The following HOXC4 variants were observed in gnomAD, a reference collection of about 807,000 sequenced individuals.
The protein encoded by HOXC4 is homeobox protein Hox-C4.
HOXC4 carries 15 observed loss-of-function variants against 25.5 expected under a neutral mutation model. The ratio of observed to expected loss-of-function variants is 0.59; its 90% CI spans 0.39 to 0.91. HOXC4 has a LOEUF of 0.91. Ranked by LOEUF, HOXC4 falls within the 40% of genes least tolerant of loss-of-function variation. The pLI is 0.00. For missense variants in HOXC4, 342 were observed against 352.4 expected, an observed-to-expected ratio of 0.97 and a Z score of 0.24; for synonymous variants, 165 against 148.0, an observed-to-expected ratio of 1.11 and a Z score of -0.83.
chr12:54,040,713 G>A (rs1242938227), intron 1 of HOXC4, among the ~76,000 whole-genome samples: 1 of 152,188 alleles, frequency 6.6e-6, no homozygotes, highest in Non-Finnish European at 1.5e-5. Context: ...TTCAAATTCT[G>A]GCTGTGATTA....
intron 1 of HOXC4, among the ~76,000 whole-genome samples, chr12:54,044,706 G>C (rs1049989668): frequency 6.9e-6 from 1 of 145,132 alleles, no homozygotes; most frequent in African/African-American, 2.5e-5. Context: ...TGGGTGCAGG[G>C]GTGTGTGAGT....
At chr12:54,050,836 C>G (rs575914791), upstream of HOXC4, among the ~76,000 whole-genome samples, 1 of 152,226 alleles carries the variant, frequency 6.6e-6, no homozygotes, top group East Asian at 1.9e-4. Context: ...AATGAAAACT[C>G]TACATATTTA....
rs551146530 is a variant in HOXC4, at chr12:54,045,328, C to A, written c.-123-7832C>A. Reference sequence around the variant, plus strand: ...GATCCATAGTGAACATAACAGTCCTCGGTCAAATTCCTGTGTGCACTTTAC... The same window carrying A: ...GATCCATAGTGAACATAACAGTCCTAGGTCAAATTCCTGTGTGCACTTTAC... On this transcript the variant is annotated intron_variant, in intron 1 of 3. Coordinates refer to the HOXC4 transcript ENST00000303406. Among the ~76,000 whole-genome samples the A allele has an allele frequency of 2.0e-5, 3 of 152,338 alleles. No homozygotes were observed. In the East Asian group the frequency reaches 5.8e-4, roughly 29 times the overall value.
chr12:54,053,722 CCACCACCA>C (rs1937900689), upstream of HOXC4, among the ~76,000 whole-genome samples: 1 of 151,870 alleles, frequency 6.6e-6, no homozygotes, highest in Admixed American at 6.5e-5. Flanking sequence ...CCCAGCACCA[CCACCACCA>C]CACACACAAA....
At chr12:54,043,532 C>T (rs922702384) in intron 1 of HOXC4, among the ~76,000 whole-genome samples, 3 of 152,184 alleles carry the variant, frequency 2.0e-5, no homozygotes, top group Non-Finnish European at 2.9e-5. Context: ...CCCACTCCTC[C>T]CTCCCACTCC....
intron 1 of HOXC4, among the ~76,000 whole-genome samples, chr12:54,022,805 C>T (rs937622095): frequency 2.0e-5 from 3 of 152,020 alleles, no homozygotes; most frequent in Non-Finnish European, 2.9e-5. Context: ...GTCATAATAC[C>T]GAGTTCTTGA....
chr12:54,026,868 C>T (rs954725224), intron 1 of HOXC4, among the ~76,000 whole-genome samples: 2 of 152,066 alleles, frequency 1.3e-5, no homozygotes, highest in African/African-American at 2.4e-5. Flanking sequence ...TTGATTACTC[C>T]GCTTTGTTAC....
At chr12:54,051,760 G>T (rs1469350524), upstream of HOXC4, among the ~76,000 whole-genome samples, 1 of 152,198 alleles carries the variant, frequency 6.6e-6, no homozygotes, top group Non-Finnish European at 1.5e-5. Context: ...GGGGCTGGGG[G>T]CCTAAGCATT....
chr12:54,024,767 C>A (rs1159658831), intron 1 of HOXC4, among the ~76,000 whole-genome samples: 1 of 150,852 alleles, frequency 6.6e-6, no homozygotes, highest in Non-Finnish European at 1.5e-5. Flanking sequence ...CTAGGGAAAT[C>A]CCCAAGTGCC....
chr12:54,026,519 G>C (rs1940705172), intron 1 of HOXC4, among the ~76,000 whole-genome samples: 1 of 152,150 alleles, frequency 6.6e-6, no homozygotes, highest in Non-Finnish European at 1.5e-5. Context: ...TTTCCTTGGG[G>C]AGAAGAAAGT....
At chr12:54,027,648 T>C (rs1050813708) in intron 1 of HOXC4, among the ~76,000 whole-genome samples, 1 of 151,820 alleles carries the variant, frequency 6.6e-6, no homozygotes, top group Non-Finnish European at 1.5e-5. Context: ...GCATTTTTTA[T>C]ACATTTTCCC....
At chr12:54,031,383 C>T (rs1940981135) in intron 1 of HOXC4, among the ~76,000 whole-genome samples, 1 of 152,210 alleles carries the variant, frequency 6.6e-6, no homozygotes, top group African/African-American at 2.4e-5. Flanking sequence ...GATTCAAGGA[C>T]ATCTCGAGAG....
intron 1 of HOXC4, chr12:54,033,654 A>T: frequency 8.0e-7 from 1 of 1,249,228 alleles, no homozygotes; most frequent in African/African-American, 1.5e-5. Context: ...AAAGAAAAAA[A>T]ACCTGCGGCC....
At chr12:54,036,675 GCTCT>G (rs34092231) in intron 1 of HOXC4, among the ~76,000 whole-genome samples, 3 of 150,386 alleles carry the variant, frequency 2.0e-5, no homozygotes, top group Non-Finnish European at 3.0e-5. Flanking sequence ...CCAGACCAGT[GCTCT>G]CTCTCTCTCT....
At chr12:54,033,550 G>T in intron 1 of HOXC4, 1 of 1,596,134 alleles carries the variant, frequency 6.3e-7, no homozygotes, top group Non-Finnish European at 8.5e-7. Flanking sequence ...ATTTACCCGT[G>T]GATGACCAAA....
intron 1 of HOXC4, chr12:54,033,397 C>G: frequency 6.2e-7 from 1 of 1,612,114 alleles, no homozygotes; most frequent in South Asian, 1.1e-5. Flanking sequence ...GACGAAGCGG[C>G]TCCTCTGAAC....
At chr12:54,033,325 G>A (rs745582495) in intron 1 of HOXC4, 2 of 1,613,626 alleles carry the variant, frequency 1.2e-6, no homozygotes, top group Non-Finnish European at 8.5e-7. Flanking sequence ...GCCAACCCCC[G>A]GGCTCACCCC....
chr12:54,020,615 G>C (rs566181924), intron 1 of HOXC4: 2 of 152,256 alleles, frequency 1.3e-5, no homozygotes, highest in South Asian at 4.2e-4. Flanking sequence ...TTCCTTGGTG[G>C]TTAATTGTAT....
At chr12:54,054,465 C>A in intron 1 of HOXC4, 104 bp downstream of exon 1, 1 of 749,526 alleles carries the variant, frequency 1.3e-6, no homozygotes, top group Non-Finnish European at 2.2e-6. Flanking sequence ...TCTCCTTCCC[C>A]CTCTCTCTCC....
Sources: gnomAD v4.1 joint callset for allele counts (sites outside exome capture counted in the v4.1 genomes callset) on GRCh38, gnomAD v4.1.1 for gene constraint, MANE v1.5 for transcripts, NCBI Gene and HGNC (gene_info 2026-07-23, HGNC 2026-07-21) for gene names.